The following TBC1D5 variants were observed in gnomAD, a reference collection of about 807,000 sequenced individuals.
TBC1D5 encodes the protein TBC1 domain family, member 5.
In TBC1D5, 75 loss-of-function variants were observed where a neutral mutation model predicts 100.3. The ratio of observed to expected loss-of-function variants is 0.75; its 90% CI spans 0.62 to 0.91. TBC1D5 has a LOEUF of 0.91. TBC1D5 is among the 40% of genes least tolerant of loss of function. TBC1D5 has a pLI of 0.00. For synonymous variants in TBC1D5, 323 were observed against 325.6 expected (o/e 0.99, Z 0.09); for missense variants, 910 against 942.4 (o/e 0.97, Z 0.45).
chr3:17,715,765 G>A (rs2153950459), intron 1 of TBC1D5, among the ~76,000 whole-genome samples: 1 of 152,040 alleles, frequency 6.6e-6, no homozygotes, highest in South Asian at 2.1e-4. Context: ...TGGTACCACT[G>A]CACTCTACCC....
chr3:17,559,132 T>C (rs1421486934), intron 2 of TBC1D5, among the ~76,000 whole-genome samples: 3 of 151,506 alleles, frequency 2.0e-5, no homozygotes, highest in Non-Finnish European at 4.4e-5. Context: ...TCATTTTTAA[T>C]AGCTATATAA....
intron 1 of TBC1D5, among the ~76,000 whole-genome samples, chr3:17,733,927 A>G (rs1037878818): frequency 6.6e-6 from 1 of 152,200 alleles, no homozygotes; most frequent in Non-Finnish European, 1.5e-5. Context: ...TTTACCAGCA[A>G]TAGTCAGGTT....
chr3:17,618,896 C>A (rs1045788186), intron 2 of TBC1D5, among the ~76,000 whole-genome samples: 4 of 152,168 alleles, frequency 2.6e-5, no homozygotes, highest in African/African-American at 9.7e-5. Context: ...GCTCACCCTC[C>A]ATGGGCTGCA....
chr3:17,531,176 C>T (rs1334987848), intron 2 of TBC1D5, among the ~76,000 whole-genome samples: 2 of 152,176 alleles, frequency 1.3e-5, no homozygotes, highest in Non-Finnish European at 2.9e-5. Flanking sequence ...CACAAGCATT[C>T]TTATACAGCA....
At chr3:17,406,330 G>T in intron 5 of TBC1D5, 88 bp downstream of exon 5, 1 of 1,148,348 alleles carries the variant, frequency 8.7e-7, no homozygotes, top group Non-Finnish European at 1.2e-6. Context: ...AAAATTCAGT[G>T]ATCCCCTGCA....
chr3:17,371,967 G>C (rs754296177), intron 13 of TBC1D5, 108 bp downstream of exon 13: 1 of 1,060,380 alleles, frequency 9.4e-7, no homozygotes, highest in East Asian at 2.8e-5. Flanking sequence ...AGCCCAGGGG[G>C]CAGAGTTTGC....
At chr3:17,365,498 A>G (rs1211491190) in intron 13 of TBC1D5, among the ~76,000 whole-genome samples, 2 of 152,200 alleles carry the variant, frequency 1.3e-5, no homozygotes, top group East Asian at 3.8e-4. Context: ...TGACTTAAAT[A>G]AGGCCAGAAT....
chr3:17,254,429 T>C (rs956966622), intron 16 of TBC1D5, among the ~76,000 whole-genome samples: 1 of 152,206 alleles, frequency 6.6e-6, no homozygotes, highest in Non-Finnish European at 1.5e-5. Context: ...TGAAATGTTA[T>C]CTCATTGTGG....
intron 2 of TBC1D5, among the ~76,000 whole-genome samples, chr3:17,603,279 G>C (rs1162376770): frequency 6.6e-6 from 1 of 151,414 alleles, no homozygotes; most frequent in East Asian, 2.0e-4. Flanking sequence ...TGATGAGACA[G>C]GAGTTTGGCA....
chr3:17,329,967 A>G (rs2086673945), intron 13 of TBC1D5, among the ~76,000 whole-genome samples: 1 of 152,156 alleles, frequency 6.6e-6, no homozygotes, highest in Admixed American at 6.5e-5. Context: ...GGCTATTTCC[A>G]CTACATATTG....
chr3:17,221,820 G>C (rs1473468452), intron 17 of TBC1D5, among the ~76,000 whole-genome samples: 1 of 152,158 alleles, frequency 6.6e-6, no homozygotes, highest in African/African-American at 2.4e-5. Context: ...TTTTGACCTA[G>C]AGAAATGTTA....
At chr3:17,177,539 GTTATGAATATGTTAACATGT>G (rs1226409733) in intron 19 of TBC1D5, among the ~76,000 whole-genome samples, 1 of 152,126 alleles carries the variant, frequency 6.6e-6, no homozygotes, top group Non-Finnish European at 1.5e-5. Flanking sequence ...TGTTAACAGG[GTTATGAATATGTTAACATGT>G]TTATGAATAT....
intron 1 of TBC1D5, among the ~76,000 whole-genome samples, chr3:17,662,228 C>CA (rs1260923638): frequency 6.6e-6 from 1 of 152,224 alleles, no homozygotes; most frequent in Admixed American, 6.5e-5. Flanking sequence ...GAGAGTAACT[C>CA]AGATACCTGG....
At chr3:17,366,651 G>A (rs1244987902) in intron 13 of TBC1D5, among the ~76,000 whole-genome samples, 4 of 152,026 alleles carry the variant, frequency 2.6e-5, no homozygotes, top group African/African-American at 9.7e-5. Context: ...TGTTTAGGAA[G>A]TTCTTAAACT....
At chr3:17,195,744 A>T (rs2070582798) in intron 18 of TBC1D5, among the ~76,000 whole-genome samples, 1 of 122,760 alleles carries the variant, frequency 8.1e-6, no homozygotes, top group Non-Finnish European at 1.6e-5. Flanking sequence ...AACAGCCTTG[A>T]TATTTCTTTC....
At chr3:17,701,093 A>C (rs192407340) in intron 1 of TBC1D5, among the ~76,000 whole-genome samples, 2 of 152,168 alleles carry the variant, frequency 1.3e-5, no homozygotes, top group African/African-American at 4.8e-5. Context: ...ATGTCCATCA[A>C]TGATGGACTG....
chr3:17,439,230 A>G (rs1313040144), intron 3 of TBC1D5, among the ~76,000 whole-genome samples: 2 of 152,178 alleles, frequency 1.3e-5, no homozygotes, highest in African/African-American at 4.8e-5. Context: ...ATAACTTTCA[A>G]TGTTAATATT....
intron 1 of TBC1D5, among the ~76,000 whole-genome samples, chr3:17,711,331 T>C (rs1167394838): frequency 6.6e-6 from 1 of 152,202 alleles, no homozygotes; most frequent in Non-Finnish European, 1.5e-5. Context: ...AAAGAATACA[T>C]GTATTAGTTA....
intron 21 of TBC1D5, among the ~76,000 whole-genome samples, chr3:17,166,387 A>G (rs1477433258): frequency 6.6e-6 from 1 of 152,210 alleles, no homozygotes; most frequent in African/African-American, 2.4e-5. Context: ...AGACAGCATT[A>G]GGAAAGCCTA....
Sources: allele counts gnomAD v4.1 joint callset (sites outside exome capture counted in the v4.1 genomes callset), GRCh38; gene constraint gnomAD v4.1.1; transcripts MANE v1.5; gene names NCBI Gene and HGNC (gene_info 2026-07-23, HGNC 2026-07-21).